Variants in RAB3GAP1 observed in about 807,000 individuals in gnomAD.
RAB3GAP1 encodes the protein RAB3 GTPase activating protein catalytic subunit 1.
Under a neutral mutation model 130.7 loss-of-function variants are expected in RAB3GAP1, and 86 were observed. The observed-to-expected ratio is 0.66, with a 90% confidence interval of 0.55 to 0.79. RAB3GAP1 has a LOEUF of 0.79. Ranked by LOEUF, RAB3GAP1 falls within the 30% of genes least tolerant of loss-of-function variation. The probability of loss-of-function intolerance (pLI) is 0.00; values close to 1 mark genes in which losing one functional copy is unlikely to be tolerated. For missense variants in RAB3GAP1, 1,029 were observed against 1,169.4 expected, an observed-to-expected ratio of 0.88 and a Z score of 1.75; for synonymous variants, 367 against 401.7, an observed-to-expected ratio of 0.91 and a Z score of 1.03.
intron 12 of RAB3GAP1, 109 bp downstream of exon 12, chr2:135,130,196 A>G: frequency 2.1e-6 from 2 of 969,110 alleles, no homozygotes; most frequent in Non-Finnish European, 3.2e-6. Context: ...AAGTTGGATA[A>G]TCAAGTTTTG....
intron 17 of RAB3GAP1, among the ~76,000 whole-genome samples, chr2:135,147,822 A>G (rs1419296039): frequency 6.6e-6 from 1 of 152,122 alleles, no homozygotes; most frequent in Non-Finnish European, 1.5e-5. Context: ...TTTGTTGCCC[A>G]TATTGGAGTC....
rs370269071 is a variant in RAB3GAP1 at position 135,130,744 on chromosome 2, T to C, written c.1236+23T>C. On this transcript the variant is annotated intron_variant, in intron 13 of 23. Coordinates refer to ENST00000264158, the MANE Select transcript of RAB3GAP1 (RefSeq NM_012233.3). ...CTGGTAACTAAATGTTCTGTCTTTATAGGTCTATATGCAGAATCATTTATT... is the reference window on the plus strand; with the variant it reads ...CTGGTAACTAAATGTTCTGTCTTTACAGGTCTATATGCAGAATCATTTATT... 2.1e-4 allele frequency: 335 copies of C among 1,587,706 alleles called. 4 individuals are homozygous for C. The Admixed American group carries it at 5.5e-3, about 26-fold the overall frequency.
intron 3 of RAB3GAP1, among the ~76,000 whole-genome samples, chr2:135,072,617 G>A (rs563154793): frequency 3.2e-4 from 49 of 152,086 alleles, no homozygotes; most frequent in African/African-American, 1.1e-3. Flanking sequence ...CATGACTTAC[G>A]TAGACCATCT....
At chr2:135,070,927 C>A (rs946814842) in intron 3 of RAB3GAP1, among the ~76,000 whole-genome samples, 1 of 151,976 alleles carries the variant, frequency 6.6e-6, no homozygotes, top group Non-Finnish European at 1.5e-5. Flanking sequence ...GCCCATGACC[C>A]CAAAAAGGTT....
chr2:135,126,770 G>GA (rs1406873891), intron 11 of RAB3GAP1, 114 bp downstream of exon 11: 1 of 915,500 alleles, frequency 1.1e-6, no homozygotes, highest in East Asian at 2.4e-5. Context: ...CACCATGTAG[G>GA]AAAAAAATCA....
chr2:135,117,570 G>GCTTCTTCTT (rs1289347100), intron 7 of RAB3GAP1, among the ~76,000 whole-genome samples: 1 of 20,900 alleles, frequency 4.8e-5, no homozygotes, highest in Admixed American at 4.9e-4. Flanking sequence ...TTCTTCTTCT[G>GCTTCTTCTT]CTTCTTCTTC....
At chr2:135,145,631 T>C (rs1314327046) in intron 17 of RAB3GAP1, among the ~76,000 whole-genome samples, 1 of 152,188 alleles carries the variant, frequency 6.6e-6, no homozygotes, top group African/African-American at 2.4e-5. Context: ...TTTTTTCAAC[T>C]ATAAGTTCAT....
chr2:135,130,207 A>G (rs1234831795), intron 12 of RAB3GAP1, 120 bp downstream of exon 12: 1 of 849,440 alleles, frequency 1.2e-6, no homozygotes, highest in African/African-American at 1.7e-5. Context: ...TCAAGTTTTG[A>G]TGGACTAGAC....
Position 135,090,979 on chromosome 2 carries a change from A to G in RAB3GAP1, c.151-19A>G, listed in dbSNP as rs770936606. On this transcript the variant is annotated intron_variant, in intron 3 of 23. Coordinates refer to ENST00000264158, the MANE Select transcript of RAB3GAP1 (RefSeq NM_012233.3). ...TATTGATTAAGGTAAATATTTTGCCATTTTATTGGTACATATAGGGTATAT... is the reference window on the plus strand; with the variant it reads ...TATTGATTAAGGTAAATATTTTGCCGTTTTATTGGTACATATAGGGTATAT... 9.3e-6 allele frequency: 15 copies of G among 1,606,506 alleles called. No homozygotes were observed. Among genetic ancestry groups the G allele is most frequent in the Middle Eastern group, 1.7e-4 (1 of 6,058 alleles).
chr2:135,144,720 T>C lies in RAB3GAP1; in HGVS notation c.1924-5649T>C, dbSNP rs372578607. ...TGGGAGAATCTTTTGACAACTTTTG[T>C]TTATTCCATTTGCCATTTGTGTTTT... On this transcript the variant is annotated intron_variant, in intron 17 of 23. Coordinates refer to ENST00000264158, the MANE Select transcript of RAB3GAP1 (RefSeq NM_012233.3). Among the ~76,000 whole-genome samples, 33 of 152,388 alleles carry C rather than the reference T, an allele frequency of 2.2e-4. No individual in the cohort carries two copies. In the South Asian group the frequency reaches 5.8e-3, roughly 27 times the overall value.
At chr2:135,063,310 A>C (rs1339152026) in intron 3 of RAB3GAP1, among the ~76,000 whole-genome samples, 2 of 152,146 alleles carry the variant, frequency 1.3e-5, no homozygotes, top group Non-Finnish European at 2.9e-5. Context: ...TGTTGATTAA[A>C]AATTTTTTTG....
chr2:135,122,053 A>T (rs1165734140), intron 8 of RAB3GAP1, among the ~76,000 whole-genome samples: 1 of 152,112 alleles, frequency 6.6e-6, no homozygotes, highest in Non-Finnish European at 1.5e-5. Flanking sequence ...ACATTGCGCC[A>T]CTGTACTCCA....
intron 23 of RAB3GAP1, chr2:135,165,254 C>G: frequency 2.4e-6 from 1 of 417,062 alleles, no homozygotes; most frequent in Non-Finnish European, 4.7e-6. Context: ...ACCATTACCT[C>G]TAGTAGTGAA....
In RAB3GAP1 at chr2:135,133,990, C is replaced by T; in HGVS notation, c.1456C>T (p.Leu486Phe). The stretch of plus-strand genomic sequence containing the variant: ...GGCACACCTCTGGCAGGAATTTGTT[C>T]TTGAAATGCGTTTCCGATGGGAAAA... ...GVAHLWQEFV[L>F]EMRFRWENNF... The change falls in exon 15 of 24, where the codon CTT becomes TTT. Residue 486 changes from leucine to phenylalanine, a missense_variant. Leu to Phe is a conservative substitution (Grantham distance 22, BLOSUM62 0). Transcript: ENST00000264158. The T allele has an allele frequency of 6.2e-7, 1 of 1,613,918 alleles. No homozygotes were observed. The highest frequency in any genetic ancestry group is 8.5e-7 in the Non-Finnish European group (1 of 1,179,838).
intron 3 of RAB3GAP1, among the ~76,000 whole-genome samples, chr2:135,072,358 G>T (rs763625495): frequency 6.6e-6 from 1 of 152,200 alleles, no homozygotes; most frequent in East Asian, 1.9e-4. Context: ...AGTATCATTT[G>T]TAGGTGAAAC....
chr2:135,122,713 C>CTTTTG (rs894349142), intron 8 of RAB3GAP1, among the ~76,000 whole-genome samples: 2 of 151,818 alleles, frequency 1.3e-5, no homozygotes, highest in East Asian at 1.9e-4. Context: ...TTATTATTAT[C>CTTTTG]TTTTGTTTTG....
intron 4 of RAB3GAP1, among the ~76,000 whole-genome samples, chr2:135,092,323 A>G (rs1392670101): frequency 6.6e-6 from 1 of 152,220 alleles, no homozygotes; most frequent in Non-Finnish European, 1.5e-5. Context: ...AGTGCTGTTA[A>G]TTTAAGGGAA....
chr2:135,114,842 A>G (rs1390637134), intron 6 of RAB3GAP1, among the ~76,000 whole-genome samples: 1 of 152,188 alleles, frequency 6.6e-6, no homozygotes, highest in Non-Finnish European at 1.5e-5. Context: ...AAAATATTTC[A>G]CCACAATATT....
In RAB3GAP1 at chr2:135,168,620, T is replaced by C. The variant is rs750447818; in HGVS notation, c.2785T>C (p.Ser929Pro). 2.5e-6 allele frequency: 4 copies of C among 1,614,212 alleles called. No homozygotes were observed. The South Asian group carries it at 4.4e-5, about 18-fold the overall frequency. Residue 929 changes from serine to proline, a missense_variant, in exon 24 of 24, where the codon TCA becomes CCA. Physicochemically the swap from Ser to Pro is moderately conservative, Grantham distance 74 (BLOSUM62 -1). This residue lies in a region of RAB3GAP1 where 146 missense variants were observed against 143.7 expected (regional missense o/e 1.02). Transcript: ENST00000264158. The stretch of plus-strand genomic sequence containing the variant: ...AGAGGAAAGAAGGCAGAACTCCGTG[T>C]CAGACTTCCCACCCCCTGCTGGCCG... ...SPEERRQNSV[S>P]DFPPPAGREF... is the part of the protein sequence containing the mutation.
Sources: gnomAD v4.1 joint callset for allele counts (sites outside exome capture counted in the v4.1 genomes callset) on GRCh38, gnomAD v4.1.1 for gene constraint, gnomAD v4.1.1 regional missense constraint, MANE v1.5 for transcripts, NCBI Gene and HGNC (gene_info 2026-07-23, HGNC 2026-07-21) for gene names.